Variants in CACNA1E observed in about 807,000 individuals in gnomAD.
The protein encoded by CACNA1E is voltage-dependent R-type calcium channel subunit alpha-1E.
Under a neutral mutation model 259.2 loss-of-function variants are expected in CACNA1E, and 40 were observed. The ratio of observed to expected loss-of-function variants is 0.15; its 90% CI spans 0.12 to 0.20. The LOEUF (loss-of-function observed/expected upper bound fraction) is 0.20. CACNA1E is among the 10% of genes least tolerant of loss of function. The pLI is 1.00. For missense variants in CACNA1E, 1,874 were observed against 3,040.1 expected, an observed-to-expected ratio of 0.62 and a Z score of 9.02; for synonymous variants, 1,104 against 1,138.5, an observed-to-expected ratio of 0.97 and a Z score of 0.61.
intron 15 of CACNA1E, 86 bp downstream of exon 15, chr1:181,720,941 TCTGCTTTTCCTTTC>T (rs1425898264): frequency 6.7e-6 from 6 of 896,350 alleles, no homozygotes; most frequent in Non-Finnish European, 1.1e-5. Flanking sequence ...TCAGGATAAT[TCTGCTTTTCCTTTC>T]CAGGCTCCTC....
At chr1:181,598,475 G>A (rs1330126423) in intron 6 of CACNA1E, among the ~76,000 whole-genome samples, 1 of 152,134 alleles carries the variant, frequency 6.6e-6, no homozygotes, top group African/African-American at 2.4e-5. Context: ...GAAGCGTGGT[G>A]GAGGTATGAC....
upstream of CACNA1E, among the ~76,000 whole-genome samples, chr1:181,480,230 A>G (rs1384085533): frequency 2.0e-5 from 3 of 152,208 alleles, no homozygotes; most frequent in Non-Finnish European, 4.4e-5. Flanking sequence ...GAGCTATGAC[A>G]GCCAGGTGGG....
chr1:181,421,389 C>T (rs1571828414), intron 2 of CACNA1E, among the ~76,000 whole-genome samples: 1 of 152,126 alleles, frequency 6.6e-6, no homozygotes, highest in East Asian at 1.9e-4. Context: ...TTGATGAGCA[C>T]CAGGGTTATT....
At chr1:181,536,672 G>A (rs908001719) in intron 3 of CACNA1E, among the ~76,000 whole-genome samples, 1 of 152,152 alleles carries the variant, frequency 6.6e-6, no homozygotes, top group African/African-American at 2.4e-5. Flanking sequence ...TTCTTGGAAG[G>A]AGAATACCTA....
intron 7 of CACNA1E, among the ~76,000 whole-genome samples, chr1:181,686,283 T>TTTTGTTTTTTTG (rs1553321330): frequency 1.1e-4 from 13 of 122,764 alleles, no homozygotes; most frequent in Non-Finnish European, 1.9e-4. Context: ...AAGTTTTTTT[T>TTTTGTTTTTTTG]TTTTTTTTTT....
chr1:181,398,759 C>A (rs1391321562), intron 1 of CACNA1E, among the ~76,000 whole-genome samples: 1 of 152,224 alleles, frequency 6.6e-6, no homozygotes, highest in South Asian at 2.1e-4. Flanking sequence ...CTTTCAGAAA[C>A]GAGGTCTGAG....
intron 3 of CACNA1E, among the ~76,000 whole-genome samples, chr1:181,574,922 G>C (rs1650805277): frequency 6.6e-6 from 1 of 152,130 alleles, no homozygotes; most frequent in South Asian, 2.1e-4. Flanking sequence ...CTACTCGGGA[G>C]GCTGAGGCAA....
At position 181,785,432 on chromosome 1, in the gene CACNA1E, C is replaced by T; in HGVS notation, c.5679+14C>T. The T allele has an allele frequency of 6.4e-7, 1 of 1,555,106 alleles. No homozygotes were observed. Among genetic ancestry groups the T allele is most frequent in the Non-Finnish European group, 8.9e-7 (1 of 1,128,688 alleles). The stretch of plus-strand genomic sequence containing the variant: ...CTGGAGGAACAGGTGAAAGTCAATG[C>T]CAGCATGCTAAGTGGGTGGGCCATG... On this transcript the variant is annotated intron_variant, in intron 42 of 47. Coordinates refer to ENST00000367573, the MANE Select transcript of CACNA1E (RefSeq NM_001205293.3).
intron 24 of CACNA1E, among the ~76,000 whole-genome samples, chr1:181,738,770 T>G (rs1006075243): frequency 9.2e-5 from 14 of 152,214 alleles, no homozygotes; most frequent in African/African-American, 3.1e-4. Flanking sequence ...AGATGAGTCT[T>G]CCTGGGCTTC....
intron 6 of CACNA1E, among the ~76,000 whole-genome samples, chr1:181,628,939 T>C (rs1453381002): frequency 6.6e-6 from 1 of 152,244 alleles, no homozygotes; most frequent in Non-Finnish European, 1.5e-5. Context: ...TTTCAGCAAC[T>C]ACTTAAGGAG....
chr1:181,762,083 A>T (rs1658628161), intron 32 of CACNA1E, among the ~76,000 whole-genome samples: 1 of 152,236 alleles, frequency 6.6e-6, no homozygotes, highest in African/African-American at 2.4e-5. Context: ...GATAGTTGAA[A>T]GTCAGACTGT....
chr1:181,555,008 T>C (rs748630848), intron 3 of CACNA1E, among the ~76,000 whole-genome samples: 24 of 152,134 alleles, frequency 1.6e-4, no homozygotes, highest in Non-Finnish European at 1.8e-4. Flanking sequence ...CTATGCAGAG[T>C]ATTTCCACAG....
intron 3 of CACNA1E, among the ~76,000 whole-genome samples, chr1:181,542,338 G>A (rs1052067001): frequency 6.6e-6 from 1 of 152,150 alleles, no homozygotes; most frequent in African/African-American, 2.4e-5. Context: ...AAAAAACTTT[G>A]TAAAGAACTA....
intron 10 of CACNA1E, 75 bp from the exon 11 acceptor site, chr1:181,717,018 T>C (rs1653961473): frequency 2.4e-6 from 3 of 1,245,942 alleles, no homozygotes; most frequent in Admixed American, 1.7e-5. Context: ...GCAGCCCATC[T>C]TGCCCTTCGA....
At chr1:181,509,360 C>T (rs1165663612) in intron 1 of CACNA1E, among the ~76,000 whole-genome samples, 4 of 152,158 alleles carry the variant, frequency 2.6e-5, no homozygotes, top group Non-Finnish European at 5.9e-5. Context: ...CGACAGGGTT[C>T]CAGGCCCTGC....
At chr1:181,679,691 C>G (rs1269539837) in intron 7 of CACNA1E, among the ~76,000 whole-genome samples, 10 of 152,148 alleles carry the variant, frequency 6.6e-5, no homozygotes, top group Admixed American at 6.5e-4. Context: ...TCTTTGTCCT[C>G]CTCCTGTCAG....
chr1:181,547,562 G>T (rs1418244930), intron 3 of CACNA1E, among the ~76,000 whole-genome samples: 1 of 152,170 alleles, frequency 6.6e-6, no homozygotes, highest in Admixed American at 6.5e-5. Context: ...TACACACTAG[G>T]TTATTCCAGG....
chr1:181,711,076 C>G lies in CACNA1E; in HGVS notation c.1171+7C>G. 1.3e-6 allele frequency: 2 copies of G among 1,593,068 alleles called. No individual in the cohort carries two copies. Among genetic ancestry groups the G allele is most frequent in the Non-Finnish European group, 1.7e-6 (2 of 1,161,042 alleles). Reference sequence around the variant, plus strand: ...GCCTGGATAGACAAAGCAGGTAGGCCTGGGGGGCTGCAGGAGGCTGGTGAG... The same window carrying G: ...GCCTGGATAGACAAAGCAGGTAGGCGTGGGGGGCTGCAGGAGGCTGGTGAG... On this transcript the variant is annotated splice_region_variant and intron_variant, in intron 8 of 47. Coordinates refer to ENST00000367573, the MANE Select transcript of CACNA1E (RefSeq NM_001205293.3).
Position 181,763,451 on chromosome 1 carries a change from C to T in CACNA1E, c.4735C>T (p.Arg1579Ter), listed in dbSNP as rs1418737979. 1 of 1,605,370 alleles carries T rather than the reference C, an allele frequency of 6.2e-7. No homozygotes were observed. The highest frequency in any genetic ancestry group is 1.7e-5 in the Admixed American group (1 of 59,892). The change falls in exon 34 of 48, where the codon CGA becomes TGA. Residue 1579 changes from arginine to a stop codon, truncating the protein, a stop_gained. Coordinates refer to ENST00000367573, the MANE Select transcript of CACNA1E (RefSeq NM_001205293.3). LOFTEE classifies it high-confidence loss of function. Reference sequence around the variant, plus strand: ...CAATATGAGCTTTCTGAAGCTCTTCCGAGCTGCCCGCCTCATAAAGCTCCT... The same window carrying T: ...CAATATGAGCTTTCTGAAGCTCTTCTGAGCTGCCCGCCTCATAAAGCTCCT... ...GFNMSFLKLF[R>*]AARLIKLLRQ...
Sources: allele counts gnomAD v4.1 joint callset (sites outside exome capture counted in the v4.1 genomes callset), GRCh38; gene constraint gnomAD v4.1.1; transcripts MANE v1.5; gene names NCBI Gene and HGNC (gene_info 2026-07-23, HGNC 2026-07-21).